The following MANBA variants were observed in gnomAD, a reference collection of about 807,000 sequenced individuals.
MANBA encodes the protein mannosidase beta.
Under a neutral mutation model 111.1 loss-of-function variants are expected in MANBA, and 83 were observed. The ratio of observed to expected loss-of-function variants is 0.75; its 90% CI spans 0.63 to 0.90. The LOEUF is 0.90. Ranked by LOEUF, MANBA falls within the 40% of genes least tolerant of loss-of-function variation. The probability of loss-of-function intolerance (pLI) is 0.00; values close to 1 mark genes in which losing one functional copy is unlikely to be tolerated. For synonymous variants in MANBA, 370 were observed against 378.7 expected (o/e 0.98, Z 0.27); for missense variants, 1,036 against 1,069.0 (o/e 0.97, Z 0.43).
At chr4:102,734,701 A>AT in intron 1 of MANBA, 1 of 915,934 alleles carries the variant, frequency 1.1e-6, no homozygotes, top group Admixed American at 2.6e-5. Flanking sequence ...CCCCCTCTCC[A>AT]TCCCAGGTTC....
intron 5 of MANBA, among the ~76,000 whole-genome samples, chr4:102,707,964 T>C (rs371629573): frequency 6.6e-6 from 1 of 152,116 alleles, no homozygotes; most frequent in South Asian, 2.1e-4. Flanking sequence ...GAGAATATAA[T>C]AATTCTACAT....
intron 14 of MANBA, among the ~76,000 whole-genome samples, chr4:102,638,145 C>T (rs369831446): frequency 1.2e-4 from 18 of 152,204 alleles, no homozygotes; most frequent in African/African-American, 4.1e-4. Context: ...ACTTTTAGGC[C>T]AGGTGCGGTG....
chr4:102,752,893 G>A (rs556706253), intron 1 of MANBA, among the ~76,000 whole-genome samples: 1 of 152,126 alleles, frequency 6.6e-6, no homozygotes, highest in African/African-American at 2.4e-5. Flanking sequence ...TACTCTTACA[G>A]TTTATAGTTA....
At position 102,642,697 on chromosome 4, in the gene MANBA, T is replaced by C. The variant is rs1729936230; in HGVS notation, c.1870-2840A>G. On this transcript the variant is annotated intron_variant, in intron 13 of 16. Coordinates refer to ENST00000647097, the MANE Select transcript of MANBA (RefSeq NM_005908.4). Reference sequence around the variant, plus strand: ...CTCCTATGAGAGACAGATGGTATGGTGAGAAGAAATTGGATCAAGATACGA... The same window carrying C: ...CTCCTATGAGAGACAGATGGTATGGCGAGAAGAAATTGGATCAAGATACGA... 2.6e-5 allele frequency among the ~76,000 whole-genome samples: 4 copies of C among 152,186 alleles called. No homozygotes were observed. In the South Asian group the frequency reaches 8.3e-4, roughly 32 times the overall value.
At chr4:102,699,958 G>C (rs1732938215) in intron 5 of MANBA, among the ~76,000 whole-genome samples, 1 of 151,986 alleles carries the variant, frequency 6.6e-6, no homozygotes, top group Non-Finnish European at 1.5e-5. Flanking sequence ...TGTACCTCTG[G>C]TAGAATTCAG....
intron 7 of MANBA, among the ~76,000 whole-genome samples, chr4:102,683,819 TTTG>T (rs1459664820): frequency 6.6e-6 from 1 of 152,228 alleles, no homozygotes; most frequent in African/African-American, 2.4e-5. Context: ...TATTTTTTAT[TTTG>T]TTATTTATTA....
At chr4:102,635,839 C>A (rs1165092242) in intron 15 of MANBA, 26 bp downstream of exon 15, 2 of 1,602,142 alleles carry the variant, frequency 1.2e-6, no homozygotes, top group Non-Finnish European at 1.7e-6. Context: ...CTCCTTCGAT[C>A]TTAGAAAACA....
chr4:102,693,761 AG>A (rs1372071949), intron 5 of MANBA, among the ~76,000 whole-genome samples: 1 of 152,146 alleles, frequency 6.6e-6, no homozygotes, highest in Non-Finnish European at 1.5e-5. Flanking sequence ...GTGATCCTTA[AG>A]AGAAAAAGTT....
intron 13 of MANBA, among the ~76,000 whole-genome samples, chr4:102,644,104 C>CTT (rs955062622): frequency 1.3e-5 from 2 of 152,006 alleles, no homozygotes; most frequent in African/African-American, 4.8e-5. Context: ...TGAATTTATT[C>CTT]TTTTGCATGT....
At chr4:102,697,891 T>C (rs1465217447) in intron 5 of MANBA, among the ~76,000 whole-genome samples, 1 of 152,072 alleles carries the variant, frequency 6.6e-6, no homozygotes, top group African/African-American at 2.4e-5. Context: ...GATGGCTGGG[T>C]CAAATGGTAT....
Position 102,714,437 on chromosome 4 carries a change from C to T in MANBA, c.673+1G>A, listed in dbSNP as rs200384040. On this transcript the variant is annotated splice_donor_variant, in intron 5 of 16. Transcript: ENST00000647097. LOFTEE classifies it high-confidence loss of function. ...AAAAAAAATCACATCTTTCAGCTTA[C>T]CATATATTGGGGAAAATGTGAAGTA... 6.9e-6 allele frequency: 11 copies of T among 1,603,906 alleles called. No homozygotes were observed.
intron 12 of MANBA, among the ~76,000 whole-genome samples, chr4:102,654,862 G>T (rs1195082475): frequency 1.3e-5 from 2 of 151,938 alleles, no homozygotes; most frequent in African/African-American, 4.8e-5. Context: ...TGAAATAAAA[G>T]GCTTCCAGAT....
At chr4:102,671,830 A>C (rs1731512295) in intron 8 of MANBA, 1 of 422,246 alleles carries the variant, frequency 2.4e-6, no homozygotes, top group South Asian at 8.9e-5. Flanking sequence ...TTCTCTAGTA[A>C]ATTTCCTTTC....
At position 102,738,985 on chromosome 4, in the gene MANBA, G is replaced by A. The variant is rs753729245; in HGVS notation, c.178-12302C>T. ...ACTGGAAAGTTTCAACAATAGAATC[G>A]AACAAGGGAAGAAAAAAGATAAATG... On this transcript the variant is annotated intron_variant, in intron 1 of 16. Transcript: ENST00000647097. 7.2e-5 allele frequency among the ~76,000 whole-genome samples: 11 copies of A among 151,868 alleles called. No individual in the cohort carries two copies. The East Asian group carries it at 1.7e-3, about 24-fold the overall frequency.
chr4:102,637,490 A>T (rs1560739683), intron 14 of MANBA, among the ~76,000 whole-genome samples: 2 of 152,308 alleles, frequency 1.3e-5, no homozygotes, highest in East Asian at 1.9e-4. Context: ...CACTCAGTCT[A>T]ATGGTATTAG....
At chr4:102,639,543 A>G (rs1228838248) in intron 14 of MANBA, among the ~76,000 whole-genome samples, 170 bp downstream of exon 14, 1 of 152,204 alleles carries the variant, frequency 6.6e-6, no homozygotes, top group Non-Finnish European at 1.5e-5. Flanking sequence ...TGGAAAGGCT[A>G]CTAAGGTGAG....
chr4:102,740,995 A>G (rs1018763233), intron 1 of MANBA, among the ~76,000 whole-genome samples: 1 of 152,228 alleles, frequency 6.6e-6, no homozygotes, highest in East Asian at 1.9e-4. Context: ...AGAAATAATC[A>G]GCAGAGTAAA....
intron 10 of MANBA, chr4:102,665,745 G>A (rs1199622608): frequency 6.6e-6 from 1 of 152,208 alleles, no homozygotes; most frequent in Non-Finnish European, 1.5e-5. Context: ...GAATGGCAGA[G>A]TGAGTCAATG....
chr4:102,699,967 A>G (rs372490943), intron 5 of MANBA, among the ~76,000 whole-genome samples: 2 of 151,766 alleles, frequency 1.3e-5, no homozygotes, highest in Non-Finnish European at 2.9e-5. Flanking sequence ...GGTAGAATTC[A>G]GCTGTAAATC....
Sources: gnomAD v4.1 joint callset for allele counts (sites outside exome capture counted in the v4.1 genomes callset) on GRCh38, gnomAD v4.1.1 for gene constraint, MANE v1.5 for transcripts, NCBI Gene and HGNC (gene_info 2026-07-23, HGNC 2026-07-21) for gene names.